RASEF: variants seen among roughly 807,000 people sequenced by gnomAD.
RASEF encodes ras and EF-hand domain-containing protein.
In RASEF, 68 loss-of-function variants were observed where a neutral mutation model predicts 90.1. That is an observed-to-expected ratio of 0.75 (90% CI 0.62 to 0.92). The LOEUF is 0.92. Ranked by LOEUF, RASEF falls within the 40% of genes least tolerant of loss-of-function variation. RASEF has a pLI of 0.00. For missense variants in RASEF, 949 were observed against 937.2 expected (o/e 1.01, Z -0.16); for synonymous variants, 331 against 345.2 (o/e 0.96, Z 0.46).
chr9:83,097,879 G>A, the RASEF span, among the ~76,000 whole-genome samples: 2 of 152,164 alleles, frequency 1.3e-5, no homozygotes, highest in South Asian at 4.1e-4. Flanking sequence ...GTTCCCAGTT[G>A]AGAAGTGCCT....
At chr9:83,123,121 T>C in the RASEF span, among the ~76,000 whole-genome samples, 1 of 151,920 alleles carries the variant, frequency 6.6e-6, no homozygotes, top group African/African-American at 2.4e-5. Flanking sequence ...ATGCCTGTAA[T>C]TGCAGCTACT....
the RASEF span, among the ~76,000 whole-genome samples, chr9:83,075,139 A>G: frequency 1.3e-5 from 2 of 152,160 alleles, no homozygotes; most frequent in East Asian, 1.9e-4. Flanking sequence ...CTCTTTTTAG[A>G]TGGCAGAAAG....
chr9:83,192,402 G>A, the RASEF span, among the ~76,000 whole-genome samples: 1 of 152,262 alleles, frequency 6.6e-6, no homozygotes, highest in East Asian at 1.9e-4. Flanking sequence ...TATGCCCTTT[G>A]CAAGAACATG....
chr9:83,077,150 A>C, the RASEF span, among the ~76,000 whole-genome samples: 1 of 152,318 alleles, frequency 6.6e-6, no homozygotes, highest in East Asian at 1.9e-4. Flanking sequence ...AGGGCTTATG[A>C]AGAAACACAA....
the RASEF span, among the ~76,000 whole-genome samples, chr9:83,108,758 T>C: frequency 1.3e-5 from 2 of 152,204 alleles, no homozygotes; most frequent in Non-Finnish European, 2.9e-5. Context: ...GAACTACATC[T>C]GATTGAACTT....
chr9:83,027,962 C>T (rs1462913902), intron 1 of RASEF, among the ~76,000 whole-genome samples: 1 of 152,106 alleles, frequency 6.6e-6, no homozygotes, highest in Non-Finnish European at 1.5e-5. Flanking sequence ...CTAGTGGATC[C>T]CTGCTTGCTA....
chr9:83,188,704 C>T, the RASEF span, among the ~76,000 whole-genome samples: 1 of 152,188 alleles, frequency 6.6e-6, no homozygotes, highest in African/African-American at 2.4e-5. Flanking sequence ...CTCCCTTCCA[C>T]CTACCGCAGC....
At chr9:83,014,156 A>G (rs554107148) in intron 4 of RASEF, among the ~76,000 whole-genome samples, 27 of 152,364 alleles carry the variant, frequency 1.8e-4, no homozygotes, top group African/African-American at 6.3e-4. Flanking sequence ...TAATGTAAGC[A>G]TAGTATGCAT....
At chr9:83,116,157 A>G in the RASEF span, among the ~76,000 whole-genome samples, 1 of 152,184 alleles carries the variant, frequency 6.6e-6, no homozygotes, top group African/African-American at 2.4e-5. Context: ...AAGAACCAGG[A>G]TTCAAAAGAT....
the RASEF span, among the ~76,000 whole-genome samples, chr9:83,204,212 T>G: frequency 6.6e-6 from 1 of 152,046 alleles, no homozygotes; most frequent in African/African-American, 2.4e-5. Context: ...TGTTCTGGCC[T>G]GGGCAGTTGG....
chr9:83,190,496 G>C, the RASEF span, among the ~76,000 whole-genome samples: 1 of 150,566 alleles, frequency 6.6e-6, no homozygotes. Context: ...GAGTCTTTGA[G>C]GATTCAGGTT....
At chr9:82,983,087 C>T (rs1828643133) in intron 16 of RASEF, among the ~76,000 whole-genome samples, 1 of 149,274 alleles carries the variant, frequency 6.7e-6, no homozygotes, top group Non-Finnish European at 1.5e-5. Context: ...GGCTCCAGCA[C>T]CTGTTTTCTG....
chr9:83,179,896 A>G, the RASEF span, among the ~76,000 whole-genome samples: 1 of 152,200 alleles, frequency 6.6e-6, no homozygotes, highest in South Asian at 2.1e-4. Flanking sequence ...CTTAATACTT[A>G]CAACGAGACA....
intron 13 of RASEF, among the ~76,000 whole-genome samples, 168 bp downstream of exon 13, chr9:82,998,197 A>G (rs75546611): frequency 0.039 from 5,921 of 152,306 alleles, 222 homozygotes; most frequent in African/African-American, 0.099. Context: ...GTGCGAGAAT[A>G]TAAGCATTTT....
At chr9:83,213,401 A>T in the RASEF span, among the ~76,000 whole-genome samples, 1 of 147,040 alleles carries the variant, frequency 6.8e-6, no homozygotes, top group African/African-American at 2.5e-5. Context: ...CTTCATCTGA[A>T]AAAAAAAAAA....
the RASEF span, among the ~76,000 whole-genome samples, chr9:83,198,385 A>C: frequency 1.3e-5 from 2 of 149,628 alleles, no homozygotes; most frequent in Non-Finnish European, 3.0e-5. Flanking sequence ...TGTCCCCTTT[A>C]ACATGCATAA....
intron 2 of RASEF, 52 bp from the exon 3 acceptor site, chr9:83,022,478 A>T (rs1829462498): frequency 3.8e-6 from 5 of 1,326,054 alleles, no homozygotes; most frequent in Non-Finnish European, 5.4e-6. Flanking sequence ...AACTTGAAAC[A>T]TGAAGAGAAA....
At chr9:82,984,552 C>A (rs946559481) in intron 16 of RASEF, among the ~76,000 whole-genome samples, 1 of 152,052 alleles carries the variant, frequency 6.6e-6, no homozygotes, top group African/African-American at 2.4e-5. Flanking sequence ...ACACACACAC[C>A]CGACAGGAGA....
At chr9:83,074,670 C>A in the RASEF span, among the ~76,000 whole-genome samples, 1 of 152,198 alleles carries the variant, frequency 6.6e-6, no homozygotes, top group Admixed American at 6.5e-5. Flanking sequence ...TTTCACACTG[C>A]AAGAAAATGG....
Sources: gnomAD v4.1 joint callset for allele counts (sites outside exome capture counted in the v4.1 genomes callset) on GRCh38, gnomAD v4.1.1 for gene constraint, MANE v1.5 for transcripts, NCBI Gene and HGNC (gene_info 2026-07-23, HGNC 2026-07-21) for gene names.